The following GPN2 variants were observed in gnomAD, a reference collection of about 807,000 sequenced individuals.
GPN2 encodes GPN-loop GTPase 2.
GPN2 carries 27 observed loss-of-function variants against 30.1 expected under a neutral mutation model. That is an observed-to-expected ratio of 0.90 (90% CI 0.66 to 1.24). The LOEUF (loss-of-function observed/expected upper bound fraction) is 1.24. Ranked by LOEUF, GPN2 falls within the 50% of genes most tolerant of loss-of-function variation. The pLI is 0.00. For missense variants in GPN2, 406 were observed against 405.4 expected (o/e 1.00, Z -0.01); for synonymous variants, 212 against 174.4 (o/e 1.22, Z -1.70).
chr1:26,888,172 T>G (rs1247698420), intron 2 of GPN2, among the ~76,000 whole-genome samples: 2 of 152,112 alleles, frequency 1.3e-5, no homozygotes, highest in Non-Finnish European at 2.9e-5. Context: ...GAGTACTAAT[T>G]TATCAAGAAA....
chr1:26,882,600 G>C (rs879858315), intron 4 of GPN2, among the ~76,000 whole-genome samples: 4 of 152,160 alleles, frequency 2.6e-5, no homozygotes, highest in Non-Finnish European at 5.9e-5. Flanking sequence ...TATACCCTAA[G>C]ACTCCTGAGT....
intron 1 of GPN2, 86 bp downstream of exon 1, chr1:26,889,596 ACCTC>A: frequency 1.6e-6 from 2 of 1,281,182 alleles, no homozygotes; most frequent in Non-Finnish European, 2.2e-6. Context: ...CCCAGCCCCT[ACCTC>A]CCTGTGTGAC....
intron 2 of GPN2, among the ~76,000 whole-genome samples, chr1:26,888,423 GAAAT>G (rs1443132485): frequency 1.3e-5 from 2 of 152,200 alleles, no homozygotes; most frequent in Non-Finnish European, 2.9e-5. Flanking sequence ...AGAACTGTGA[GAAAT>G]AAATATTTAT....
chr1:26,889,952 T>C lies in GPN2; in HGVS notation c.145A>G (p.Asn49Asp). The change falls in exon 1 of 5, where the codon AAC (asparagine) becomes GAC (aspartate). Residue 49 changes from asparagine to aspartate, a missense_variant. By Grantham distance (23) the Asn-to-Asp change is conservative (BLOSUM62 1). Coordinates refer to ENST00000374135, the MANE Select transcript of GPN2 (RefSeq NM_018066.4). The part of the protein sequence containing the change: ...RVAVVNLDPA[N>D]EGLPYECAVD... ...GCACACTCGTACGGCAGCCCCTCGT[T>C]GGCCGGGTCCAGGTTCACCACCGCC... The C allele has an allele frequency of 6.2e-7, 1 of 1,607,456 alleles. No individual in the cohort carries two copies. Among genetic ancestry groups the C allele is most frequent in the African/African-American group, 1.3e-5 (1 of 75,032 alleles).
chr1:26,889,647 C>T (rs1230103794), intron 1 of GPN2, 39 bp downstream of exon 1: 1 of 1,540,206 alleles, frequency 6.5e-7, no homozygotes, highest in Non-Finnish European at 8.8e-7. Context: ...GTCTCAGTTA[C>T]TCCATCCGCA....
Position 26,884,296 on chromosome 1 carries a change from C to G in GPN2, c.730-6G>C, listed in dbSNP as rs773722874. The G allele has an allele frequency of 1.9e-6, 3 of 1,602,186 alleles. No homozygotes were observed. The highest frequency in any genetic ancestry group is 1.7e-6 in the Non-Finnish European group (2 of 1,176,758). On this transcript the variant is annotated splice_polypyrimidine_tract_variant and splice_region_variant and intron_variant, in intron 3 of 4. Coordinates refer to ENST00000374135, the MANE Select transcript of GPN2 (RefSeq NM_018066.4). ...CGCTGGATGCTCTCCTTGTCCTGAG[C>G]AGGGAGGAGAGAAACAGTTCTGTGA...
chr1:26,887,934 C>T (rs1288566020), intron 2 of GPN2, among the ~76,000 whole-genome samples: 1 of 151,510 alleles, frequency 6.6e-6, no homozygotes, highest in African/African-American at 2.4e-5. Flanking sequence ...TCTCGGCTCA[C>T]TACAACCTCC....
In GPN2 at chr1:26,877,993, C is replaced by T. The variant is rs1423088651; in HGVS notation, c.*1684G>A. Reference sequence around the variant, plus strand: ...GTTGCAGTGAGCCGAGATTGTGCCACTGGACTCCAGCCTGGGCGACAGAGA... The same window carrying T: ...GTTGCAGTGAGCCGAGATTGTGCCATTGGACTCCAGCCTGGGCGACAGAGA... On this transcript the variant is annotated 3_prime_UTR_variant, in exon 5 of 5. Transcript: ENST00000374135. 2 of 152,146 alleles carry T rather than the reference C, an allele frequency of 1.3e-5. No homozygotes were observed. Among genetic ancestry groups the T allele is most frequent in the African/African-American group, 2.4e-5 (1 of 41,446 alleles). 9.4% of individuals were successfully genotyped at this position (152,146 alleles called of 1,614,324 possible). A position where few individuals can be genotyped will look rare whatever the true frequency, so the allele number is the denominator to read the frequency against.
chr1:26,879,568 G>T lies in GPN2; in HGVS notation c.*109C>A. On this transcript the variant is annotated 3_prime_UTR_variant, in exon 5 of 5. Coordinates refer to ENST00000374135, the MANE Select transcript of GPN2 (RefSeq NM_018066.4). ...GAGCTGAATATCCCCTTGCCAGCCC[G>T]CCAGCTCTGGCTGGGAGGACTTGCT... 2.4e-6 allele frequency: 2 copies of T among 831,666 alleles called. No homozygotes were observed. The highest frequency in any genetic ancestry group is 4.0e-6 in the Non-Finnish European group (2 of 497,318). 51.5% of individuals were successfully genotyped at this position (831,666 alleles called of 1,614,324 possible).
intron 4 of GPN2, among the ~76,000 whole-genome samples, chr1:26,882,392 C>G (rs1026607310): frequency 1.3e-5 from 2 of 152,046 alleles, no homozygotes; most frequent in African/African-American, 4.8e-5. Context: ...TGCTCCTCCC[C>G]TCTTTTGCTG....
Position 26,877,068 on chromosome 1 carries a change from T to C in GPN2, c.*2609A>G, listed in dbSNP as rs537878931. ...CCAGTAGCCTGGGCGTCAGGATTCCTGGGCTCTAGGCCCCACAGGTGATTC... is the reference window on the plus strand; with the variant it reads ...CCAGTAGCCTGGGCGTCAGGATTCCCGGGCTCTAGGCCCCACAGGTGATTC... On this transcript the variant is annotated 3_prime_UTR_variant, in exon 5 of 5. Transcript: ENST00000374135. The C allele has an allele frequency of 6.6e-6, 1 of 152,360 alleles. No individual in the cohort carries two copies. The highest frequency in any genetic ancestry group is 2.1e-4 in the South Asian group (1 of 4,826). The allele number at this position is 152,360 out of a possible 1,614,324, so 9.4% of individuals were successfully genotyped here.
rs376532531 is a variant in GPN2 at position 26,889,670 on chromosome 1, C to A, written c.411+16G>T. The A allele has an allele frequency of 1.6e-4, 242 of 1,554,672 alleles. No individual in the cohort carries two copies. The highest frequency in any genetic ancestry group is 2.0e-4 in the Non-Finnish European group (229 of 1,147,092). On this transcript the variant is annotated intron_variant, in intron 1 of 4. Transcript: ENST00000374135. ...TACTCCATCCGCAAAATGGGCCTCC[C>A]CGCCCTGAGACGCACCCTGAGGTCC...
At chr1:26,889,351 C>G (rs1373714709) in intron 1 of GPN2, among the ~76,000 whole-genome samples, 1 of 152,044 alleles carries the variant, frequency 6.6e-6, no homozygotes, top group Non-Finnish European at 1.5e-5. Context: ...GGGTTTAAAT[C>G]CCATGGCATC....
At chr1:26,886,292 G>A in intron 2 of GPN2, 159 bp from the exon 3 acceptor site, 1 of 617,292 alleles carries the variant, frequency 1.6e-6, no homozygotes. Flanking sequence ...GGTTTTACCT[G>A]CTGGCTCTGC....
At chr1:26,886,993 CAAAAAAAAAAA>C (rs11309173) in intron 2 of GPN2, among the ~76,000 whole-genome samples, 1 of 78,822 alleles carries the variant, frequency 1.3e-5, no homozygotes, top group African/African-American at 5.1e-5. Context: ...AACTCTGTCT[CAAAAAAAAAAA>C]AAAAAAAAAA....
intron 3 of GPN2, among the ~76,000 whole-genome samples, chr1:26,885,469 G>A (rs780860733): frequency 2.0e-5 from 3 of 151,200 alleles, no homozygotes; most frequent in Non-Finnish European, 4.4e-5. Flanking sequence ...AAAATAGACA[G>A]GGCAAAAGTT....
At chr1:26,889,209 G>T in intron 1 of GPN2, 84 bp from the exon 2 acceptor site, 1 of 1,068,494 alleles carries the variant, frequency 9.4e-7, no homozygotes, top group South Asian at 1.4e-5. Context: ...TGAGGACAGA[G>T]GGGAAGCTTT....
At position 26,876,929 on chromosome 1, in the gene GPN2, T is replaced by TA; in HGVS notation, c.*2747dup. ...GCCTTCCAGCCCCCATTTGGTTTGTTATGGTGAGAGCTGGGGCCTCTGTGA... is the reference window on the plus strand; with the variant it reads ...GCCTTCCAGCCCCCATTTGGTTTGTTAATGGTGAGAGCTGGGGCCTCTGTGA... On this transcript the variant is annotated 3_prime_UTR_variant, in exon 5 of 5. Transcript: ENST00000374135. 1 of 151,516 alleles carries TA rather than the reference T, an allele frequency of 6.6e-6. No individual in the cohort carries two copies. 9.4% of individuals were successfully genotyped at this position (151,516 alleles called of 1,614,324 possible).
intron 2 of GPN2, among the ~76,000 whole-genome samples, chr1:26,887,943 C>T (rs1041313223): frequency 1.4e-4 from 22 of 151,794 alleles, no homozygotes; most frequent in African/African-American, 5.3e-4. Context: ...ACTACAACCT[C>T]CGCCTTCCAG....
Sources: allele counts gnomAD v4.1 joint callset (sites outside exome capture counted in the v4.1 genomes callset), GRCh38; gene constraint gnomAD v4.1.1; transcripts MANE v1.5; gene names NCBI Gene and HGNC (gene_info 2026-07-23, HGNC 2026-07-21).